GTF2F2: variants seen among roughly 807,000 people sequenced by gnomAD.
The protein encoded by GTF2F2 is general transcription factor IIF subunit 2.
In GTF2F2, 23 loss-of-function variants were observed where a neutral mutation model predicts 42.2. The observed-to-expected ratio is 0.55, with a 90% CI of 0.39 to 0.77. The LOEUF (loss-of-function observed/expected upper bound fraction) is 0.77, where lower values mean the gene tolerates loss of function less well. Among genes scored for constraint, GTF2F2 ranks in the 30% least tolerant of loss-of-function variants. GTF2F2 has a pLI of 0.00. For synonymous variants in GTF2F2, 105 were observed against 100.8 expected (o/e 1.04, Z -0.25); for missense variants, 261 against 287.2 (o/e 0.91, Z 0.66).
At position 45,151,824 on chromosome 13, in the gene GTF2F2, C is replaced by T; in HGVS notation, c.297C>T (p.Ser99=). ...GGQTLTVFTE[S]SSDKLSLEGI... is the part of the protein sequence containing the mutation. Reference sequence around the variant, plus strand: ...AGACATTAACAGTATTTACTGAGAGCTCATCAGGTAAGTGGGAATGGAATT... The same window carrying T: ...AGACATTAACAGTATTTACTGAGAGTTCATCAGGTAAGTGGGAATGGAATT... Residue 99 remains serine (S), a synonymous_variant, in exon 4 of 8, where the codon AGC becomes AGT. Coordinates refer to ENST00000340473, the MANE Select transcript of GTF2F2 (RefSeq NM_004128.3). 1 of 1,486,060 alleles carries T rather than the reference C, an allele frequency of 6.7e-7. No individual in the cohort carries two copies. Among genetic ancestry groups the T allele is most frequent in the East Asian group, 2.5e-5 (1 of 40,280 alleles). The allele number at this position is 1,486,060 out of a possible 1,614,324, so 92.1% of individuals were successfully genotyped here. A position where few individuals can be genotyped will look rare whatever the true frequency, so the allele number is the denominator to read the frequency against.
chr13:45,234,069 TC>T (rs912484571), intron 5 of GTF2F2, among the ~76,000 whole-genome samples: 3 of 152,212 alleles, frequency 2.0e-5, no homozygotes, highest in African/African-American at 7.2e-5. Context: ...ACGCAGATCA[TC>T]ATATTAACAG....
At chr13:45,120,747 C>A (rs756336425) in intron 1 of GTF2F2, 26 bp downstream of exon 1, 4 of 1,503,406 alleles carry the variant, frequency 2.7e-6, no homozygotes, top group Middle Eastern at 1.7e-4. Flanking sequence ...CTCCCACTTG[C>A]GCTCCTCCTA....
At chr13:45,283,123 G>A (rs1039888766) in intron 7 of GTF2F2, among the ~76,000 whole-genome samples, 1 of 152,074 alleles carries the variant, frequency 6.6e-6, no homozygotes, top group African/African-American at 2.4e-5. Context: ...GTCACACTGA[G>A]TGAGGACCAG....
chr13:45,153,388 C>G (rs575043835), intron 4 of GTF2F2, among the ~76,000 whole-genome samples: 2 of 151,538 alleles, frequency 1.3e-5, no homozygotes, highest in Non-Finnish European at 2.9e-5. Flanking sequence ...TCTTTTTTTT[C>G]TTGGATGTAC....
intron 4 of GTF2F2, among the ~76,000 whole-genome samples, chr13:45,182,544 T>C (rs1016796349): frequency 6.6e-6 from 1 of 152,136 alleles, no homozygotes; most frequent in African/African-American, 2.4e-5. Flanking sequence ...ATACTCTTCC[T>C]CCATCTCCAG....
chr13:45,266,738 A>G (rs1202305594), intron 6 of GTF2F2, among the ~76,000 whole-genome samples: 1 of 152,220 alleles, frequency 6.6e-6, no homozygotes, highest in Non-Finnish European at 1.5e-5. Flanking sequence ...AATTATTACT[A>G]ACTTAGAGCC....
intron 4 of GTF2F2, among the ~76,000 whole-genome samples, chr13:45,164,675 G>C (rs971955922): frequency 5.3e-5 from 8 of 151,980 alleles, no homozygotes; most frequent in African/African-American, 1.9e-4. Flanking sequence ...AGTGAGTACA[G>C]TGATTGTGCC....
intron 5 of GTF2F2, among the ~76,000 whole-genome samples, chr13:45,240,878 G>C (rs555042797): frequency 9.5e-4 from 140 of 146,608 alleles, no homozygotes; most frequent in African/African-American, 3.4e-3. Flanking sequence ...GGTGGCTCAT[G>C]CCTGTAATCC....
chr13:45,240,004 T>C lies in GTF2F2; in HGVS notation c.387-12867T>C, dbSNP rs190157189. Among the ~76,000 whole-genome samples the C allele has an allele frequency of 1.1e-3, 163 of 152,118 alleles. No homozygotes were observed. In the South Asian group the frequency reaches 0.015, roughly 14 times the overall value. ...GAATATAGAAGAATTCAACTCAGTA[T>C]TAAGTCTTTCACTAAGAGGGAGCTA... On this transcript the variant is annotated intron_variant, in intron 5 of 7. Transcript: ENST00000340473.
intron 7 of GTF2F2, among the ~76,000 whole-genome samples, chr13:45,276,356 T>C (rs1877034822): frequency 6.6e-6 from 1 of 152,202 alleles, no homozygotes; most frequent in African/African-American, 2.4e-5. Context: ...AATTTTCATA[T>C]GAATATATGT....
intron 5 of GTF2F2, among the ~76,000 whole-genome samples, chr13:45,224,840 A>G (rs1411024800): frequency 1.3e-5 from 2 of 152,360 alleles, no homozygotes; most frequent in East Asian, 1.9e-4. Flanking sequence ...AGTGTTGACA[A>G]CATATCAAGA....
intron 1 of GTF2F2, among the ~76,000 whole-genome samples, chr13:45,126,101 A>G (rs1868981576): frequency 6.6e-6 from 1 of 152,132 alleles, no homozygotes; most frequent in Non-Finnish European, 1.5e-5. Context: ...TGAAGGGGGA[A>G]TCTGGGTGTC....
intron 4 of GTF2F2, among the ~76,000 whole-genome samples, chr13:45,183,302 G>C (rs1872251743): frequency 6.6e-6 from 1 of 152,094 alleles, no homozygotes; most frequent in African/African-American, 2.4e-5. Flanking sequence ...GTTTTCCCTT[G>C]TAAGGGAAGT....
intron 7 of GTF2F2, among the ~76,000 whole-genome samples, chr13:45,281,142 C>T (rs922429091): frequency 6.6e-6 from 1 of 152,168 alleles, no homozygotes; most frequent in Non-Finnish European, 1.5e-5. Flanking sequence ...AGCCTTTATG[C>T]TTACTCATTC....
intron 3 of GTF2F2, 124 bp downstream of exon 3, chr13:45,149,912 C>A: frequency 2.3e-6 from 2 of 880,152 alleles, no homozygotes; most frequent in Non-Finnish European, 3.2e-6. Context: ...TGGTTAAGAA[C>A]ACATAAAGGT....
chr13:45,254,070 A>C (rs1875989500), intron 6 of GTF2F2, among the ~76,000 whole-genome samples: 2 of 132,480 alleles, frequency 1.5e-5, no homozygotes, highest in African/African-American at 6.4e-5. Context: ...ACTCCGTCTC[A>C]AAAAAAAAAA....
rs1402777416 is a variant in GTF2F2, at chr13:45,151,804, T to C, written c.277T>C (p.Leu93=). The C allele has an allele frequency of 6.4e-7, 1 of 1,559,724 alleles. No homozygotes were observed. Among genetic ancestry groups the C allele is most frequent in the South Asian group, 1.2e-5 (1 of 85,592 alleles). Residue 93 remains leucine, a synonymous_variant, in exon 4 of 8, where the codon TTA becomes CTA. Coordinates refer to ENST00000340473, the MANE Select transcript of GTF2F2 (RefSeq NM_004128.3). The part of the protein sequence containing the change: ...FVLQSVGGQT[L]TVFTESSSDK... ...CTTGCAAAGTGTTGGAGGACAGACA[T>C]TAACAGTATTTACTGAGAGCTCATC...
intron 4 of GTF2F2, chr13:45,206,994 TCA>T (rs1873438792): frequency 8.9e-6 from 1 of 112,594 alleles, no homozygotes; most frequent in South Asian, 2.6e-4. Flanking sequence ...AGAATTTTAT[TCA>T]CATACACAAA....
intron 1 of GTF2F2, among the ~76,000 whole-genome samples, chr13:45,131,210 GA>G (rs770146191): frequency 0.017 from 2,335 of 133,522 alleles, 15 homozygotes; most frequent in African/African-American, 0.035. Flanking sequence ...CTCAGTCTCA[GA>G]AAAAAAAAAA....
Sources: gnomAD v4.1 joint callset for allele counts (sites outside exome capture counted in the v4.1 genomes callset) on GRCh38, gnomAD v4.1.1 for gene constraint, MANE v1.5 for transcripts, NCBI Gene and HGNC (gene_info 2026-07-23, HGNC 2026-07-21) for gene names.